Variants in LRCH1 observed in about 807,000 individuals in gnomAD.
The protein encoded by LRCH1 is leucine-rich repeat and calponin homology domain-containing protein 1.
In LRCH1, 23 loss-of-function variants were observed where a neutral mutation model predicts 94.9. The observed-to-expected ratio is 0.24, with a 90% confidence interval of 0.17 to 0.34. The LOEUF (loss-of-function observed/expected upper bound fraction) is 0.34, where lower values mean the gene tolerates loss of function less well. LRCH1 is among the 10% of genes least tolerant of loss of function. The pLI, the probability that LRCH1 is intolerant of heterozygous loss-of-function variation, is 1.00. For synonymous variants in LRCH1, 364 were observed against 354.9 expected (o/e 1.03, Z -0.29); for missense variants, 790 against 945.9 (o/e 0.84, Z 2.16).
chr13:46,707,348 A>G lies in LRCH1; in HGVS notation c.1527+2044A>G, dbSNP rs535257681. Reference sequence around the variant, plus strand: ...TGCATTCTGATTTCGAATACTGCACAGGTGATGTTGTGACCATCTCAGGGC... The same window carrying G: ...TGCATTCTGATTTCGAATACTGCACGGGTGATGTTGTGACCATCTCAGGGC... On this transcript the variant is annotated intron_variant, in intron 13 of 19. Transcript: ENST00000389797. Among the ~76,000 whole-genome samples, 4 of 152,324 alleles carry G rather than the reference A, an allele frequency of 2.6e-5. No individual in the cohort carries two copies. The South Asian group carries it at 8.3e-4, about 32-fold the overall frequency.
At chr13:46,746,882 G>A (rs532245978), downstream of LRCH1, among the ~76,000 whole-genome samples, 152 of 152,250 alleles carry the variant, frequency 1.0e-3, no homozygotes, top group African/African-American at 3.3e-3. Flanking sequence ...TTCTTGGGAC[G>A]CCTCCTGGTT....
chr13:46,744,709 C>T lies in LRCH1; in HGVS notation c.*2861C>T. On this transcript the variant is annotated 3_prime_UTR_variant, in exon 20 of 20. Coordinates refer to ENST00000389797, the MANE Select transcript of LRCH1 (RefSeq NM_001164211.2). ...TAGATGCCTGATTGAGTCATAAGGA[C>T]AAAAGGGTGTTTTGCCTTTGCCTGT... 1.0e-6 allele frequency: 1 copy of T among 985,328 alleles called. No individual in the cohort carries two copies. Among genetic ancestry groups the T allele is most frequent in the Non-Finnish European group, 1.2e-6 (1 of 829,914 alleles). 61.0% of individuals were successfully genotyped at this position (985,328 alleles called of 1,614,324 possible).
Position 46,635,753 on chromosome 13 carries a change from G to A in LRCH1, c.308-14448G>A, listed in dbSNP as rs537171182. Among the ~76,000 whole-genome samples, 14 of 148,584 alleles carry A rather than the reference G, an allele frequency of 9.4e-5. No individual in the cohort carries two copies. The East Asian group carries it at 2.7e-3, about 28-fold the overall frequency. ...CCCAAAGTGCTGGGATTACAGGCGT[G>A]AGCCACCGCACCCGGCCCCCTCCCA... On this transcript the variant is annotated intron_variant, in intron 1 of 19. Coordinates refer to ENST00000389797, the MANE Select transcript of LRCH1 (RefSeq NM_001164211.2).
At chr13:46,630,658 A>C (rs1279713267) in intron 1 of LRCH1, among the ~76,000 whole-genome samples, 3 of 152,240 alleles carry the variant, frequency 2.0e-5, no homozygotes, top group Non-Finnish European at 4.4e-5. Flanking sequence ...AAAAGACTGC[A>C]GTGTTTGTTA....
intron 3 of LRCH1, among the ~76,000 whole-genome samples, chr13:46,671,986 G>A (rs534360138): frequency 2.6e-5 from 4 of 152,284 alleles, no homozygotes; most frequent in African/African-American, 9.6e-5. Flanking sequence ...CATTCTATCG[G>A]TTTGGGTAAA....
At chr13:46,574,351 A>T (rs1000078406) in intron 1 of LRCH1, among the ~76,000 whole-genome samples, 2 of 152,008 alleles carry the variant, frequency 1.3e-5, no homozygotes, top group African/African-American at 4.8e-5. Flanking sequence ...ATTAAAAATT[A>T]AAAAAAATTA....
intron 19 of LRCH1, among the ~76,000 whole-genome samples, chr13:46,738,386 T>A (rs1873492899): frequency 6.6e-6 from 1 of 152,238 alleles, no homozygotes; most frequent in South Asian, 2.1e-4. Flanking sequence ...TGAGTTTTCC[T>A]TATCTTTTGT....
intron 1 of LRCH1, among the ~76,000 whole-genome samples, chr13:46,596,624 A>G (rs2050566314): frequency 6.6e-6 from 1 of 152,242 alleles, no homozygotes; most frequent in South Asian, 2.1e-4. Flanking sequence ...TCTAACTTGA[A>G]GCTACATTGA....
chr13:46,628,982 G>A (rs1203035722), intron 1 of LRCH1, among the ~76,000 whole-genome samples: 2 of 152,322 alleles, frequency 1.3e-5, no homozygotes, highest in East Asian at 3.9e-4. Context: ...CATATAGTAA[G>A]TTTTAACATT....
At chr13:46,680,817 A>G (rs966474378) in intron 3 of LRCH1, among the ~76,000 whole-genome samples, 2 of 152,216 alleles carry the variant, frequency 1.3e-5, no homozygotes, top group African/African-American at 4.8e-5. Flanking sequence ...GCATGATGGC[A>G]TTTGCACTCT....
rs545575124 is a variant in LRCH1 at position 46,694,237 on chromosome 13, C to T, written c.1121-656C>T. On this transcript the variant is annotated intron_variant, in intron 8 of 19. Transcript: ENST00000389797. ...TGGCTCAGAGTGTTTAAAGGGTGGCCCAGTATGGTTCTTTTTCATCTTCAG... is the reference window on the plus strand; with the variant it reads ...TGGCTCAGAGTGTTTAAAGGGTGGCTCAGTATGGTTCTTTTTCATCTTCAG... Among the ~76,000 whole-genome samples the T allele has an allele frequency of 2.6e-5, 4 of 152,160 alleles. No homozygotes were observed. In the South Asian group the frequency reaches 8.3e-4, roughly 32 times the overall value.
At chr13:46,661,214 ACCCG>A (rs1021290043) in intron 2 of LRCH1, among the ~76,000 whole-genome samples, 8 of 152,094 alleles carry the variant, frequency 5.3e-5, no homozygotes, top group African/African-American at 1.9e-4. Flanking sequence ...AGCCTGACCC[ACCCG>A]GTTTCAAACC....
chr13:46,670,026 A>C (rs756082655), intron 3 of LRCH1, among the ~76,000 whole-genome samples: 2 of 152,208 alleles, frequency 1.3e-5, no homozygotes, highest in Non-Finnish European at 2.9e-5. Context: ...GGCCACCCGG[A>C]GCACCACGGT....
intron 3 of LRCH1, among the ~76,000 whole-genome samples, chr13:46,674,357 C>T (rs553706058): frequency 5.3e-5 from 8 of 152,222 alleles, no homozygotes; most frequent in South Asian, 2.1e-4. Context: ...AGCAGTTGTT[C>T]CCCCTCCCAT....
At chr13:46,675,770 T>C (rs778419647) in intron 3 of LRCH1, among the ~76,000 whole-genome samples, 2 of 152,140 alleles carry the variant, frequency 1.3e-5, no homozygotes, top group Non-Finnish European at 2.9e-5. Context: ...TGTGGGATGA[T>C]TGGAAACCCA....
At position 46,660,034 on chromosome 13, in the gene LRCH1, C is replaced by CTTTTTTTTTTTTTTT. The variant is rs767544799; in HGVS notation, c.453-8995_453-8981dup. On this transcript the variant is annotated intron_variant, in intron 2 of 19. Transcript: ENST00000389797. ...CACTTTCTGTATTCCTTAGGAGTCA[C>CTTTTTTTTTTTTTTT]TTTTTTTTTTTTTTTGAGACAGGCT... 1.0e-3 allele frequency among the ~76,000 whole-genome samples: 106 copies of CTTTTTTTTTTTTTTT among 103,630 alleles called. 10 individuals carry two copies. Among genetic ancestry groups the CTTTTTTTTTTTTTTT allele is most frequent in the African/African-American group, 2.3e-3 (63 of 27,970 alleles). 68.0% of individuals were successfully genotyped at this position (103,630 alleles called of 152,430 possible).
intron 1 of LRCH1, among the ~76,000 whole-genome samples, chr13:46,614,252 A>T (rs540599623): frequency 6.6e-6 from 1 of 152,170 alleles, no homozygotes; most frequent in Non-Finnish European, 1.5e-5. Flanking sequence ...GCTTTGATCT[A>T]TATCTCCCCA....
chr13:46,668,497 G>A (rs1566212264), intron 2 of LRCH1, among the ~76,000 whole-genome samples: 1 of 152,194 alleles, frequency 6.6e-6, no homozygotes, highest in Non-Finnish European at 1.5e-5. Flanking sequence ...CAAAATGTTG[G>A]AAATGAGCCC....
At chr13:46,664,335 G>A (rs2051487615) in intron 2 of LRCH1, among the ~76,000 whole-genome samples, 2 of 152,348 alleles carry the variant, frequency 1.3e-5, no homozygotes, top group African/African-American at 2.4e-5. Context: ...GTTGAAAAAT[G>A]TCTATGGCGT....
Sources: allele counts gnomAD v4.1 joint callset (sites outside exome capture counted in the v4.1 genomes callset), GRCh38; gene constraint gnomAD v4.1.1; transcripts MANE v1.5; gene names NCBI Gene and HGNC (gene_info 2026-07-23, HGNC 2026-07-21).